STK38: variants seen among roughly 807,000 people sequenced by gnomAD.
STK38 encodes serine/threonine-protein kinase 38.
Under a neutral mutation model 59.0 loss-of-function variants are expected in STK38, and 26 were observed. The ratio of observed to expected loss-of-function variants is 0.44; its 90% CI spans 0.32 to 0.61. The LOEUF is 0.61. STK38 is among the 20% of genes least tolerant of loss of function. The pLI is 0.04. For synonymous variants in STK38, 175 were observed against 176.6 expected (o/e 0.99, Z 0.07); for missense variants, 433 against 566.0 (o/e 0.76, Z 2.38).
At position 36,497,934 on chromosome 6, in the gene STK38, CTTTCTT is replaced by C. The variant is rs1472537926; in HGVS notation, c.1077-65_1077-60del. ...AGCAGTCTCCTCAGAAAAAGAAAAA[CTTTCTT>C]TTTTTTTTTTTTTTTTTGAGACAGC... On this transcript the variant is annotated intron_variant, in intron 11 of 13. Coordinates refer to ENST00000229812, the MANE Select transcript of STK38 (RefSeq NM_007271.4). 3.9e-5 allele frequency: 40 copies of C among 1,024,114 alleles called. No individual in the cohort carries two copies. In the East Asian group the frequency reaches 8.0e-4, roughly 21 times the overall value. The allele number at this position is 1,024,114 out of a possible 1,614,324, so 63.4% of individuals were successfully genotyped here. A position where few individuals can be genotyped will look rare whatever the true frequency, so the allele number is the denominator to read the frequency against.
At chr6:36,515,613 G>A (rs7738604) in intron 6 of STK38, 121 bp from the exon 7 acceptor site, 314,319 of 1,519,292 alleles carry the variant, frequency 0.21, 34,620 homozygotes, top group East Asian at 0.43. Flanking sequence ...AAAATAAGGC[G>A]GCTAAACAGA....
intron 7 of STK38, among the ~76,000 whole-genome samples, chr6:36,508,481 T>G (rs1777021757): frequency 6.6e-6 from 1 of 152,228 alleles, no homozygotes; most frequent in Non-Finnish European, 1.5e-5. Flanking sequence ...ATATAGCTTT[T>G]CCTCCTCTTA....
intron 7 of STK38, among the ~76,000 whole-genome samples, chr6:36,512,708 G>A (rs771625898): frequency 6.6e-6 from 1 of 151,906 alleles, no homozygotes; most frequent in Non-Finnish European, 1.5e-5. Context: ...TGGCCAGGCT[G>A]GAGTGCAGTG....
chr6:36,529,552 C>A (rs1777617072), intron 2 of STK38, among the ~76,000 whole-genome samples: 1 of 152,154 alleles, frequency 6.6e-6, no homozygotes, highest in South Asian at 2.1e-4. Flanking sequence ...GCCACTTTCA[C>A]ACTTAGAGGC....
intron 2 of STK38, among the ~76,000 whole-genome samples, chr6:36,528,728 G>A (rs1777596723): frequency 6.6e-6 from 1 of 152,182 alleles, no homozygotes; most frequent in South Asian, 2.1e-4. Context: ...AAAGCTCTAA[G>A]AACACAGCTG....
At chr6:36,535,691 C>G (rs1777772258) in intron 2 of STK38, among the ~76,000 whole-genome samples, 1 of 151,898 alleles carries the variant, frequency 6.6e-6, no homozygotes, top group South Asian at 2.1e-4. Context: ...TCCTGGCCAA[C>G]ATGGTGAAAC....
intron 4 of STK38, among the ~76,000 whole-genome samples, chr6:36,523,735 G>A (rs1162305926): frequency 2.6e-5 from 4 of 152,090 alleles, no homozygotes; most frequent in Non-Finnish European, 5.9e-5. Context: ...AGAATTGCGG[G>A]GACAAAGTCG....
intron 2 of STK38, among the ~76,000 whole-genome samples, chr6:36,530,493 T>C (rs2127485511): frequency 6.6e-6 from 1 of 150,920 alleles, no homozygotes; most frequent in South Asian, 2.1e-4. Flanking sequence ...GCCTCCCGGA[T>C]AGCTGGGATT....
chr6:36,535,381 G>A (rs1191188158), intron 2 of STK38, among the ~76,000 whole-genome samples: 2 of 151,258 alleles, frequency 1.3e-5, no homozygotes, highest in African/African-American at 2.4e-5. Flanking sequence ...CATGGGAGGC[G>A]GAGGTTGTAG....
chr6:36,521,598 T>C (rs1777376674), intron 5 of STK38, 136 bp downstream of exon 5: 2 of 452,110 alleles, frequency 4.4e-6, no homozygotes, highest in South Asian at 6.1e-5. Context: ...GGGAAAAAGG[T>C]AGTATTATAT....
At chr6:36,499,276 GCA>G (rs1362816019) in intron 10 of STK38, among the ~76,000 whole-genome samples, 1 of 152,058 alleles carries the variant, frequency 6.6e-6, no homozygotes, top group Non-Finnish European at 1.5e-5. Flanking sequence ...AGACAAACAC[GCA>G]CACACCCTAT....
At chr6:36,514,578 A>G (rs1777201745) in intron 7 of STK38, among the ~76,000 whole-genome samples, 1 of 152,136 alleles carries the variant, frequency 6.6e-6, no homozygotes, top group Admixed American at 6.5e-5. Flanking sequence ...GCCAAGGGTT[A>G]TCTAGCAAGT....
chr6:36,507,134 C>T (rs1776982269), intron 8 of STK38, among the ~76,000 whole-genome samples: 1 of 152,196 alleles, frequency 6.6e-6, no homozygotes, highest in African/African-American at 2.4e-5. Context: ...ATGGAAGTGA[C>T]TGTCATAAAG....
chr6:36,512,358 T>G (rs1242733482), intron 7 of STK38, among the ~76,000 whole-genome samples: 4 of 152,180 alleles, frequency 2.6e-5, no homozygotes, highest in Admixed American at 6.5e-5. Context: ...AGTTCTTTAA[T>G]ATGGTTGCTG....
intron 8 of STK38, 55 bp from the exon 9 acceptor site, chr6:36,506,699 T>A: frequency 6.6e-7 from 1 of 1,509,238 alleles, no homozygotes; most frequent in Non-Finnish European, 9.1e-7. Flanking sequence ...TGTTTACTAC[T>A]TTTTTTAGTA....
chr6:36,500,575 C>T (rs1776813072), intron 9 of STK38, among the ~76,000 whole-genome samples: 1 of 151,738 alleles, frequency 6.6e-6, no homozygotes, highest in Admixed American at 6.6e-5. Flanking sequence ...TCCTGGCCAA[C>T]ATGGTGAAAA....
intron 7 of STK38, among the ~76,000 whole-genome samples, chr6:36,512,124 G>A (rs1165454302): frequency 3.9e-5 from 6 of 152,154 alleles, no homozygotes. Flanking sequence ...AGTTCCTGGA[G>A]CAAATGCTAT....
chr6:36,512,201 C>T (rs993469492), intron 7 of STK38, among the ~76,000 whole-genome samples: 9 of 152,230 alleles, frequency 5.9e-5, no homozygotes, highest in Non-Finnish European at 5.9e-5. Context: ...AAAACTCCTA[C>T]ATTTTTAGGA....
At chr6:36,511,268 T>C (rs977346336) in intron 7 of STK38, among the ~76,000 whole-genome samples, 9 of 152,200 alleles carry the variant, frequency 5.9e-5, no homozygotes, top group African/African-American at 2.2e-4. Flanking sequence ...CAATTAGGTT[T>C]GGATGTGTGT....
Sources: allele counts gnomAD v4.1 joint callset (sites outside exome capture counted in the v4.1 genomes callset), GRCh38; gene constraint gnomAD v4.1.1; transcripts MANE v1.5; gene names NCBI Gene and HGNC (gene_info 2026-07-23, HGNC 2026-07-21).